CTNNA3: variants seen among roughly 807,000 people sequenced by gnomAD.
CTNNA3 encodes the protein catenin alpha-3.
A neutral mutation model predicts 95.7 loss-of-function variants in CTNNA3; 76 were observed. That is an observed-to-expected ratio of 0.79 (90% CI 0.66 to 0.96). The LOEUF is 0.96. Ranked by LOEUF, CTNNA3 falls within the 40% of genes least tolerant of loss-of-function variation. The probability of loss-of-function intolerance (pLI) is 0.00; values close to 1 mark genes in which losing one functional copy is unlikely to be tolerated. For synonymous variants in CTNNA3, 431 were observed against 374.4 expected (o/e 1.15, Z -1.74); for missense variants, 1,191 against 1,089.8 (o/e 1.09, Z -1.31).
chr10:66,156,065 C>A (rs2084491289), intron 13 of CTNNA3, among the ~76,000 whole-genome samples: 1 of 151,826 alleles, frequency 6.6e-6, no homozygotes, highest in African/African-American at 2.4e-5. Context: ...CATGCTATAC[C>A]ATTACACATC....
chr10:67,245,855 CAAA>C (rs34908113), intron 5 of CTNNA3, among the ~76,000 whole-genome samples: 1 of 72,172 alleles, frequency 1.4e-5, no homozygotes, highest in Non-Finnish European at 3.3e-5. Context: ...ACTCTGTCTC[CAAA>C]AAAAAAAAAA....
At chr10:67,241,692 T>G (rs1865721719) in intron 5 of CTNNA3, among the ~76,000 whole-genome samples, 1 of 152,200 alleles carries the variant, frequency 6.6e-6, no homozygotes, top group African/African-American at 2.4e-5. Context: ...TTCATTACAT[T>G]TGTGTAGTGA....
chr10:66,939,944 C>T (rs902345453), intron 7 of CTNNA3, among the ~76,000 whole-genome samples: 2 of 152,114 alleles, frequency 1.3e-5, no homozygotes, highest in Non-Finnish European at 2.9e-5. Context: ...GTGGTCACTG[C>T]ATCATTTTTT....
intron 5 of CTNNA3, among the ~76,000 whole-genome samples, chr10:67,430,839 A>ACACACACT (rs1302847918): frequency 6.6e-6 from 1 of 151,372 alleles, no homozygotes; most frequent in Non-Finnish European, 1.5e-5. Flanking sequence ...ACACACACAC[A>ACACACACT]CACACACACA....
intron 7 of CTNNA3, among the ~76,000 whole-genome samples, chr10:67,140,053 A>T (rs1860481119): frequency 6.6e-6 from 1 of 152,198 alleles, no homozygotes; most frequent in Admixed American, 6.5e-5. Context: ...ATATTAGGAA[A>T]ATCTCTTACT....
At chr10:66,427,338 T>A (rs954240641) in intron 11 of CTNNA3, among the ~76,000 whole-genome samples, 1 of 152,036 alleles carries the variant, frequency 6.6e-6, no homozygotes, top group Non-Finnish European at 1.5e-5. Flanking sequence ...TATTTCTATA[T>A]GGACTCACAG....
chr10:67,254,226 G>A (rs1007522322), intron 5 of CTNNA3, among the ~76,000 whole-genome samples: 4 of 151,940 alleles, frequency 2.6e-5, no homozygotes, highest in African/African-American at 9.7e-5. Context: ...ACTCACTTTA[G>A]TTCAAACTAT....
At chr10:66,818,440 A>C (rs1214931407) in intron 7 of CTNNA3, among the ~76,000 whole-genome samples, 1 of 152,244 alleles carries the variant, frequency 6.6e-6, no homozygotes, top group East Asian at 1.9e-4. Context: ...ATGTAAGATC[A>C]ATATGTGAAA....
At chr10:66,970,139 C>A (rs1259542444) in intron 7 of CTNNA3, among the ~76,000 whole-genome samples, 1 of 152,058 alleles carries the variant, frequency 6.6e-6, no homozygotes, top group East Asian at 1.9e-4. Context: ...ATCTTTAAAC[C>A]CACACAAAAA....
At chr10:66,079,513 C>T (rs1008579927) in intron 14 of CTNNA3, among the ~76,000 whole-genome samples, 2 of 151,572 alleles carry the variant, frequency 1.3e-5, no homozygotes, top group African/African-American at 4.8e-5. Context: ...AATTTTATTA[C>T]TATGTATGTA....
intron 16 of CTNNA3, among the ~76,000 whole-genome samples, chr10:65,980,538 AG>A (rs2078298038): frequency 6.6e-6 from 1 of 150,788 alleles, no homozygotes. Flanking sequence ...AAAAAAAAAA[AG>A]AAAAGAAAAC....
intron 10 of CTNNA3, among the ~76,000 whole-genome samples, chr10:66,619,357 T>C (rs1382879190): frequency 2.7e-5 from 4 of 147,538 alleles, no homozygotes; most frequent in Non-Finnish European, 4.5e-5. Flanking sequence ...GTGGCACATA[T>C]ACACCATGGA....
At chr10:66,298,138 C>T (rs1005394854) in intron 12 of CTNNA3, among the ~76,000 whole-genome samples, 2 of 152,154 alleles carry the variant, frequency 1.3e-5, no homozygotes, top group Non-Finnish European at 2.9e-5. Context: ...GAGAACCCAG[C>T]CTCTAAAATG....
At chr10:66,460,914 T>G (rs896803799) in intron 11 of CTNNA3, among the ~76,000 whole-genome samples, 16 of 152,186 alleles carry the variant, frequency 1.1e-4, no homozygotes, top group Non-Finnish European at 2.2e-4. Flanking sequence ...CTGTTGTGGT[T>G]ATTGGCTTAA....
intron 7 of CTNNA3, among the ~76,000 whole-genome samples, chr10:66,995,757 C>T (rs1657918576): frequency 6.6e-6 from 1 of 152,162 alleles, no homozygotes; most frequent in African/African-American, 2.4e-5. Flanking sequence ...ATCTTCTCCC[C>T]TACTTGCCTT....
At chr10:66,901,501 G>C (rs1464038276) in intron 7 of CTNNA3, among the ~76,000 whole-genome samples, 1 of 152,144 alleles carries the variant, frequency 6.6e-6, no homozygotes, top group Admixed American at 6.5e-5. Context: ...ACATCATAAT[G>C]ACAGGATCAA....
chr10:67,748,313 A>G (rs989915213), intron 1 of CTNNA3, among the ~76,000 whole-genome samples: 1 of 152,150 alleles, frequency 6.6e-6, no homozygotes, highest in African/African-American at 2.4e-5. Flanking sequence ...CAGATTCTCC[A>G]AGGTCAAAAT....
intron 10 of CTNNA3, among the ~76,000 whole-genome samples, chr10:66,589,993 T>A (rs1167950829): frequency 6.6e-6 from 1 of 152,072 alleles, no homozygotes; most frequent in Non-Finnish European, 1.5e-5. Context: ...AAAGAAATAT[T>A]GAAAGGAGTA....
chr10:67,201,411 T>C (rs948002565), intron 6 of CTNNA3, among the ~76,000 whole-genome samples: 2 of 152,186 alleles, frequency 1.3e-5, no homozygotes, highest in African/African-American at 4.8e-5. Flanking sequence ...ATAGTAGGCT[T>C]GGAGAGGAGT....
Sources: allele counts gnomAD v4.1 joint callset (sites outside exome capture counted in the v4.1 genomes callset), GRCh38; gene constraint gnomAD v4.1.1; transcripts MANE v1.5; gene names NCBI Gene and HGNC (gene_info 2026-07-23, HGNC 2026-07-21).